The following HUNK variants were observed in gnomAD, a reference collection of about 807,000 sequenced individuals.
HUNK encodes hormonally up-regulated neu tumor-associated kinase.
In HUNK, 21 loss-of-function variants were observed where a neutral mutation model predicts 61.0. The observed-to-expected ratio is 0.34, with a 90% CI of 0.24 to 0.50. The LOEUF is 0.50. HUNK is among the 20% of genes least tolerant of loss of function. The pLI is 0.98. For missense variants in HUNK, 772 were observed against 945.7 expected (o/e 0.82, Z 2.41); for synonymous variants, 371 against 386.1 (o/e 0.96, Z 0.46).
At position 31,998,614 on chromosome 21, in the gene HUNK, G is replaced by A. The variant is rs763760540; in HGVS notation, c.1575G>A (p.Pro525=). 6.8e-6 allele frequency: 11 copies of A among 1,613,844 alleles called. No individual in the cohort carries two copies. Among genetic ancestry groups the A allele is most frequent in the Middle Eastern group, 1.6e-4 (1 of 6,084 alleles). ...CCATGGAGTTCATCCCCGTGCCACC[G>A]CCCAGGACCCCGAGGATTGTGAAGA... is the stretch of plus-strand genomic sequence containing the variant. ...SSSMEFIPVP[P]PRTPRIVKKP... Residue 525 remains proline (P), a synonymous_variant, in exon 11 of 11, where the codon CCG becomes CCA. Coordinates refer to ENST00000270112, the MANE Select transcript of HUNK (RefSeq NM_014586.2).
intron 2 of HUNK, among the ~76,000 whole-genome samples, chr21:31,934,108 G>GTA (rs2052716383): frequency 6.6e-6 from 1 of 152,132 alleles, no homozygotes; most frequent in South Asian, 2.1e-4. Context: ...GATAGAGCCA[G>GTA]TATTCTGGAT....
chr21:31,942,808 A>T (rs958364016), intron 3 of HUNK, among the ~76,000 whole-genome samples: 1 of 152,188 alleles, frequency 6.6e-6, no homozygotes, highest in Non-Finnish European at 1.5e-5. Context: ...TAAAGATGCC[A>T]ATTTGGTTGC....
chr21:31,920,899 C>A (rs1338872030), intron 1 of HUNK, among the ~76,000 whole-genome samples: 1 of 152,132 alleles, frequency 6.6e-6, no homozygotes, highest in Non-Finnish European at 1.5e-5. Context: ...TTCCTATAAT[C>A]CCCGCACTTG....
intron 4 of HUNK, among the ~76,000 whole-genome samples, chr21:31,947,975 G>A (rs941278298): frequency 5.3e-5 from 8 of 152,208 alleles, no homozygotes; most frequent in Non-Finnish European, 7.3e-5. Flanking sequence ...CGCTTACTTA[G>A]TGCTTGATGT....
chr21:31,993,652 G>A (rs767791035), intron 9 of HUNK, among the ~76,000 whole-genome samples: 2 of 152,188 alleles, frequency 1.3e-5, no homozygotes, highest in East Asian at 1.9e-4. Flanking sequence ...GGATGGGTGT[G>A]TGTCTCTGTG....
At position 31,998,825 on chromosome 21, in the gene HUNK, G is replaced by A. The variant is rs770653348; in HGVS notation, c.1786G>A (p.Glu596Lys). Residue 596 changes from glutamate to lysine, a missense_variant, in exon 11 of 11, where the codon GAG (glutamate) becomes AAG (lysine). Physicochemically the swap from Glu to Lys is moderately conservative, Grantham distance 56. Transcript: ENST00000270112. ...CAGCTTGGCTCGCAGAAATTCCAGC[G>A]AGAGGACGCTGTCCCCGGGTCTGCC... The part of the protein sequence containing the change: ...PVSLARRNSS[E>K]RTLSPGLPSG... 39 of 1,614,032 alleles carry A rather than the reference G, an allele frequency of 2.4e-5. No homozygotes were observed. Among genetic ancestry groups the A allele is most frequent in the Middle Eastern group, 1.6e-4 (1 of 6,084 alleles).
intron 1 of HUNK, among the ~76,000 whole-genome samples, chr21:31,877,465 A>C (rs1422165719): frequency 6.6e-6 from 1 of 152,156 alleles, no homozygotes; most frequent in Admixed American, 6.5e-5. Flanking sequence ...GTTTGTTTAG[A>C]AGCCATTTGA....
In HUNK at chr21:31,998,875, T is replaced by C; in HGVS notation, c.1836T>C (p.His612=). The C allele has an allele frequency of 6.2e-7, 1 of 1,614,210 alleles. No individual in the cohort carries two copies. The highest frequency in any genetic ancestry group is 8.5e-7 in the Non-Finnish European group (1 of 1,180,040). The change falls in exon 11 of 11, where the codon CAT becomes CAC. Residue 612 remains histidine, a synonymous_variant. Coordinates refer to ENST00000270112, the MANE Select transcript of HUNK (RefSeq NM_014586.2). ...CATCCGGAAGCATGTCGCCTCTCCATACTCCTTTGCATCCAACTCTGGTCT... is the reference window on the plus strand; with the variant it reads ...CATCCGGAAGCATGTCGCCTCTCCACACTCCTTTGCATCCAACTCTGGTCT... ...GLPSGSMSPL[H]TPLHPTLVSF...
At chr21:31,980,217 G>T (rs1251877759) in intron 7 of HUNK, among the ~76,000 whole-genome samples, 1 of 151,918 alleles carries the variant, frequency 6.6e-6, no homozygotes, top group Non-Finnish European at 1.5e-5. Context: ...GACTACAGGT[G>T]TGCACCACCA....
intron 7 of HUNK, among the ~76,000 whole-genome samples, chr21:31,978,854 G>T (rs2123855048): frequency 6.6e-6 from 1 of 152,206 alleles, no homozygotes; most frequent in East Asian, 1.9e-4. Flanking sequence ...CCCAGAAGTG[G>T]AATTGCTGGA....
intron 1 of HUNK, among the ~76,000 whole-genome samples, chr21:31,917,691 AACATACACAC>A (rs1428714827): frequency 0.038 from 2,078 of 54,596 alleles, 35 homozygotes; most frequent in South Asian, 0.069. Flanking sequence ...CCCATTCCCA[AACATACACAC>A]ACACACACAC....
chr21:31,951,108 T>C (rs2123835440), intron 4 of HUNK, among the ~76,000 whole-genome samples: 1 of 152,070 alleles, frequency 6.6e-6, no homozygotes, highest in East Asian at 1.9e-4. Context: ...TTTCCATTAT[T>C]TTCAATGGTG....
At chr21:31,989,444 G>T (rs2053156232) in intron 8 of HUNK, among the ~76,000 whole-genome samples, 2 of 152,166 alleles carry the variant, frequency 1.3e-5, no homozygotes, top group Non-Finnish European at 2.9e-5. Flanking sequence ...GCCGGGCTCA[G>T]TGCTCATGCC....
chr21:31,980,400 T>C (rs1190198786), intron 7 of HUNK, among the ~76,000 whole-genome samples: 2 of 131,598 alleles, frequency 1.5e-5, no homozygotes, highest in Non-Finnish European at 3.2e-5. Flanking sequence ...TTTTTTGAGA[T>C]GGAGTCTCGC....
At chr21:31,901,248 G>C (rs1399581588) in intron 1 of HUNK, among the ~76,000 whole-genome samples, 1 of 152,182 alleles carries the variant, frequency 6.6e-6, no homozygotes, top group Non-Finnish European at 1.5e-5. Flanking sequence ...TTCTCAGCTT[G>C]AGTTCTTCTG....
chr21:31,940,768 G>A (rs1009711779), intron 3 of HUNK, among the ~76,000 whole-genome samples: 3 of 152,124 alleles, frequency 2.0e-5, no homozygotes, highest in East Asian at 3.9e-4. Flanking sequence ...TGCACAACTC[G>A]TTTTCTAGAC....
rs184445880 is a variant in HUNK, at chr21:31,938,107, T to G, written c.555-2058T>G. Among the ~76,000 whole-genome samples, 419 of 152,326 alleles carry G rather than the reference T, an allele frequency of 2.8e-3. 4 individuals carry two copies. The highest frequency in any genetic ancestry group is 9.5e-3 in the African/African-American group (396 of 41,566). On this transcript the variant is annotated intron_variant, in intron 2 of 10. Transcript: ENST00000270112. ...TTGGACACCTTTTAGAGTTCACCTT[T>G]TTTTCTGCATTTGACTCCTTAATTC...
At chr21:31,969,803 G>A (rs564063501) in intron 6 of HUNK, among the ~76,000 whole-genome samples, 2 of 152,256 alleles carry the variant, frequency 1.3e-5, no homozygotes, top group South Asian at 4.1e-4. Context: ...CTGGGCTCAA[G>A]TGATCCTCCT....
intron 5 of HUNK, among the ~76,000 whole-genome samples, chr21:31,960,102 C>T (rs1051955130): frequency 3.3e-5 from 5 of 152,314 alleles, no homozygotes; most frequent in African/African-American, 1.2e-4. Flanking sequence ...GTTGAAAGTG[C>T]GGCAGAGCAC....
Sources: gnomAD v4.1 joint callset for allele counts (sites outside exome capture counted in the v4.1 genomes callset) on GRCh38, gnomAD v4.1.1 for gene constraint, MANE v1.5 for transcripts, NCBI Gene and HGNC (gene_info 2026-07-23, HGNC 2026-07-21) for gene names.